GLCCI1: variants seen among roughly 807,000 people sequenced by gnomAD.
GLCCI1 encodes glucocorticoid-induced transcript 1 protein.
GLCCI1 carries 24 observed loss-of-function variants against 52.2 expected under a neutral mutation model. The observed-to-expected ratio is 0.46, with a 90% CI of 0.33 to 0.65. GLCCI1 has a LOEUF of 0.65. Ranked by LOEUF, GLCCI1 falls within the 30% of genes least tolerant of loss-of-function variation. The pLI is 0.02. For missense variants in GLCCI1, 704 were observed against 701.5 expected, an observed-to-expected ratio of 1.00 and a Z score of -0.04; for synonymous variants, 310 against 276.5, an observed-to-expected ratio of 1.12 and a Z score of -1.20.
At chr7:7,979,853 T>C (rs1780572336) in intron 1 of GLCCI1, among the ~76,000 whole-genome samples, 1 of 152,242 alleles carries the variant, frequency 6.6e-6, no homozygotes, top group African/African-American at 2.4e-5. Flanking sequence ...TTTTCATGTG[T>C]TATGTCACCA....
chr7:8,016,565 A>G (rs576588647), intron 2 of GLCCI1, among the ~76,000 whole-genome samples: 1 of 152,352 alleles, frequency 6.6e-6, no homozygotes, highest in Middle Eastern at 3.4e-3. Context: ...ATGCCTCTTA[A>G]GGTATACTGT....
chr7:8,039,450 T>C lies in GLCCI1; in HGVS notation c.697-15983T>C, dbSNP rs191728368. Reference sequence around the variant, plus strand: ...TATATACACACACCACGGAATACTATTAATTCATAAAGAAGAATGAAATCA... The same window carrying C: ...TATATACACACACCACGGAATACTACTAATTCATAAAGAAGAATGAAATCA... On this transcript the variant is annotated intron_variant, in intron 3 of 7. Coordinates refer to ENST00000223145, the MANE Select transcript of GLCCI1 (RefSeq NM_138426.4). 2.1e-3 allele frequency among the ~76,000 whole-genome samples: 322 copies of C among 152,316 alleles called. 1 individual carries two copies. The highest frequency in any genetic ancestry group is 3.2e-3 in the Non-Finnish European group (221 of 68,020).
At chr7:8,031,732 AACAG>A (rs1781755358) in intron 3 of GLCCI1, among the ~76,000 whole-genome samples, 1 of 151,434 alleles carries the variant, frequency 6.6e-6, no homozygotes, top group Non-Finnish European at 1.5e-5. Context: ...TAAAAAAACA[AACAG>A]ACTGAAAGCA....
intron 6 of GLCCI1, among the ~76,000 whole-genome samples, chr7:8,075,033 T>C (rs1782846909): frequency 6.6e-6 from 1 of 152,230 alleles, no homozygotes; most frequent in Admixed American, 6.5e-5. Context: ...GTATTCATTT[T>C]ATATACGTAT....
chr7:8,042,667 T>A (rs1473663904), intron 3 of GLCCI1, among the ~76,000 whole-genome samples: 1 of 152,214 alleles, frequency 6.6e-6, no homozygotes, highest in African/African-American at 2.4e-5. Context: ...AAGATGTGAC[T>A]GATTTGCTGC....
At chr7:7,978,247 A>G (rs1229606287) in intron 1 of GLCCI1, among the ~76,000 whole-genome samples, 1 of 152,116 alleles carries the variant, frequency 6.6e-6, no homozygotes, top group Admixed American at 6.5e-5. Flanking sequence ...TTGTGTATTC[A>G]TATTTGGCAA....
chr7:8,014,322 T>C (rs1186964503), intron 2 of GLCCI1, among the ~76,000 whole-genome samples: 1 of 152,176 alleles, frequency 6.6e-6, no homozygotes, highest in African/African-American at 2.4e-5. Flanking sequence ...TTGACTCTAA[T>C]GGTAATGTAT....
At chr7:8,010,199 G>C (rs553335871) in intron 2 of GLCCI1, among the ~76,000 whole-genome samples, 5 of 152,148 alleles carry the variant, frequency 3.3e-5, no homozygotes, top group Non-Finnish European at 7.4e-5. Flanking sequence ...AGACATGATG[G>C]TGTTAATCTA....
chr7:7,994,639 T>C (rs1780904338), intron 1 of GLCCI1, among the ~76,000 whole-genome samples: 1 of 152,216 alleles, frequency 6.6e-6, no homozygotes, highest in African/African-American at 2.4e-5. Context: ...CAACTCTTAA[T>C]ACCATCAGAG....
chr7:8,020,240 G>T (rs1308372456), intron 2 of GLCCI1, among the ~76,000 whole-genome samples: 1 of 151,772 alleles, frequency 6.6e-6, no homozygotes, highest in Admixed American at 6.6e-5. Context: ...CACAAGATCA[G>T]GATCATCAAG....
intron 3 of GLCCI1, among the ~76,000 whole-genome samples, chr7:8,030,346 A>G (rs984222790): frequency 6.6e-6 from 1 of 152,146 alleles, no homozygotes; most frequent in African/African-American, 2.4e-5. Flanking sequence ...ATGCAGAGAA[A>G]GAAACCTGAC....
At chr7:8,053,339 G>GTTTTTTTTT (rs112047406) in intron 3 of GLCCI1, among the ~76,000 whole-genome samples, 2 of 134,398 alleles carry the variant, frequency 1.5e-5, no homozygotes, top group Non-Finnish European at 1.6e-5. Flanking sequence ...TTGTTTGTTT[G>GTTTTTTTTT]TTTTGAGACA....
chr7:8,080,577 T>C (rs1782973920), intron 6 of GLCCI1, among the ~76,000 whole-genome samples: 1 of 151,440 alleles, frequency 6.6e-6, no homozygotes, highest in Non-Finnish European at 1.5e-5. Flanking sequence ...AACCTGGTAC[T>C]CCAGATATTA....
chr7:8,023,588 C>CATTTTTTTTTTTTT (rs1781543370), intron 3 of GLCCI1, among the ~76,000 whole-genome samples: 3 of 41,984 alleles, frequency 7.1e-5, no homozygotes, highest in African/African-American at 3.1e-4. Flanking sequence ...CTCTGTTATT[C>CATTTTTTTTTTTTT]TTTTTTTTTT....
chr7:7,984,133 T>A (rs1780675538), intron 1 of GLCCI1, among the ~76,000 whole-genome samples: 1 of 152,186 alleles, frequency 6.6e-6, no homozygotes, highest in African/African-American at 2.4e-5. Context: ...CAATCATGGC[T>A]CACTGCAGCC....
chr7:8,086,352 C>G lies in GLCCI1; in HGVS notation c.1458C>G (p.Ser486Arg). The change falls in exon 8 of 8, where the codon AGC (serine) becomes AGG (arginine). Residue 486 changes from serine to arginine, a missense_variant. By Grantham distance (110) the Ser-to-Arg change is moderately radical. Transcript: ENST00000223145. This position sits in a 1 kb window ranked among gnomAD's most constrained non-coding sequence, Gnocchi z 4.4. The part of the protein sequence containing the change: ...MLKNSPNSGQ[S>R]SALATLTVEQ... Reference sequence around the variant, plus strand: ...AGAACTCCCCTAACTCTGGCCAGAGCTCAGCTTTGGCAACTCTGACCGTTG... The same window carrying G: ...AGAACTCCCCTAACTCTGGCCAGAGGTCAGCTTTGGCAACTCTGACCGTTG... The G allele has an allele frequency of 6.2e-7, 1 of 1,614,086 alleles. No homozygotes were observed. Among genetic ancestry groups the G allele is most frequent in the African/African-American group, 1.3e-5 (1 of 75,036 alleles).
At chr7:8,029,800 T>A (rs937672478) in intron 3 of GLCCI1, among the ~76,000 whole-genome samples, 2 of 151,958 alleles carry the variant, frequency 1.3e-5, no homozygotes, top group African/African-American at 4.8e-5. Flanking sequence ...GTCATCCCAT[T>A]TACAATAGAC....
rs568566433 is a variant in GLCCI1 at position 8,087,584 on chromosome 7, A to G, written c.*1046A>G. The G allele has an allele frequency of 1.3e-5, 2 of 152,504 alleles. No homozygotes were observed. Among genetic ancestry groups the G allele is most frequent in the Non-Finnish European group, 2.9e-5 (2 of 68,024 alleles). 9.4% of individuals were successfully genotyped at this position (152,504 alleles called of 1,614,324 possible). A position where few individuals can be genotyped will look rare whatever the true frequency, so the allele number is the denominator to read the frequency against. Reference sequence around the variant, plus strand: ...AACTGTTACCATTTTATCTAAAGACATATTTATATTTAGTTTCTCCCTTGG... The same window carrying G: ...AACTGTTACCATTTTATCTAAAGACGTATTTATATTTAGTTTCTCCCTTGG... On this transcript the variant is annotated 3_prime_UTR_variant, in exon 8 of 8. Transcript: ENST00000223145.
intron 3 of GLCCI1, among the ~76,000 whole-genome samples, chr7:8,050,754 T>TGAAGAGAGCAGAATGTG (rs1782239895): frequency 6.6e-6 from 1 of 152,212 alleles, no homozygotes; most frequent in African/African-American, 2.4e-5. Flanking sequence ...AGAATGGTGA[T>TGAAGAGAGCAGAATGTG]GAAGAGAGCA....
Sources: gnomAD v4.1 joint callset for allele counts (sites outside exome capture counted in the v4.1 genomes callset) on GRCh38, gnomAD v4.1.1 for gene constraint, Gnocchi (gnomAD v3.1) non-coding constraint, MANE v1.5 for transcripts, NCBI Gene and HGNC (gene_info 2026-07-23, HGNC 2026-07-21) for gene names.